GSDMC: variants seen among roughly 807,000 people sequenced by gnomAD.
GSDMC encodes the protein gasdermin-C.
A neutral mutation model predicts 58.0 loss-of-function variants in GSDMC; 59 were observed. The observed-to-expected ratio is 1.02, with a 90% confidence interval of 0.82 to 1.26. The LOEUF is 1.26. GSDMC is among the 50% of genes most tolerant of loss of function. GSDMC has a pLI of 0.00. For missense variants in GSDMC, 659 were observed against 598.5 expected (o/e 1.10, Z -1.06); for synonymous variants, 241 against 220.2 (o/e 1.09, Z -0.83).
At chr8:129,715,422 T>G in the GSDMC span, among the ~76,000 whole-genome samples, 1 of 151,996 alleles carries the variant, frequency 6.6e-6, no homozygotes, top group East Asian at 1.9e-4. Context: ...ATGAGAGTGA[T>G]AGGAGACAGA....
At chr8:129,744,665 C>T (rs1402938959), downstream of GSDMC, among the ~76,000 whole-genome samples, 1 of 152,236 alleles carries the variant, frequency 6.6e-6, no homozygotes, top group East Asian at 1.9e-4. Flanking sequence ...GCCCTCCCAT[C>T]TGTATTCCAG....
intron 3 of GSDMC, among the ~76,000 whole-genome samples, chr8:129,774,355 A>C (rs1160078146): frequency 1.3e-5 from 2 of 152,144 alleles, no homozygotes; most frequent in African/African-American, 4.8e-5. Context: ...TCACATGCAA[A>C]AGACTGAAAC....
chr8:129,716,033 A>T, the GSDMC span, among the ~76,000 whole-genome samples: 1 of 152,214 alleles, frequency 6.6e-6, no homozygotes, highest in Non-Finnish European at 1.5e-5. Flanking sequence ...ATAAGCCAAC[A>T]AAGAAGATAA....
chr8:129,784,476 A>G (rs541093661), intron 1 of GSDMC, among the ~76,000 whole-genome samples: 1 of 152,364 alleles, frequency 6.6e-6, no homozygotes, highest in African/African-American at 2.4e-5. Flanking sequence ...ACAAATGAAA[A>G]AAAGGCATAT....
chr8:129,716,155 A>G, the GSDMC span, among the ~76,000 whole-genome samples: 1 of 152,242 alleles, frequency 6.6e-6, no homozygotes, highest in Non-Finnish European at 1.5e-5. Context: ...TAAACATGCC[A>G]TATCAAGAAT....
chr8:129,722,955 CAA>C, the GSDMC span: 15 of 152,196 alleles, frequency 9.9e-5, no homozygotes, highest in African/African-American at 3.4e-4. Context: ...AGAATGTTCA[CAA>C]ACAAGAGGGA....
chr8:129,755,001 T>C (rs1042287335), intron 6 of GSDMC, among the ~76,000 whole-genome samples: 1 of 152,050 alleles, frequency 6.6e-6, no homozygotes, highest in African/African-American at 2.4e-5. Flanking sequence ...AATCTAAAAG[T>C]TGACCTTAAA....
the GSDMC span, among the ~76,000 whole-genome samples, chr8:129,734,026 C>T: frequency 6.6e-6 from 1 of 152,144 alleles, no homozygotes; most frequent in East Asian, 1.9e-4. Context: ...CTACGTGATG[C>T]ATGCACAATC....
At chr8:129,779,740 C>G (rs76896156) in intron 1 of GSDMC, among the ~76,000 whole-genome samples, 2 of 151,806 alleles carry the variant, frequency 1.3e-5, no homozygotes, top group African/African-American at 4.8e-5. Flanking sequence ...AATTTAAAAA[C>G]AGACGATTCA....
chr8:129,771,169 A>G (rs933243715), intron 3 of GSDMC, among the ~76,000 whole-genome samples: 5 of 151,972 alleles, frequency 3.3e-5, no homozygotes, highest in African/African-American at 4.8e-5. Flanking sequence ...AAATATATAA[A>G]TCAAATATTA....
At chr8:129,776,970 A>C (rs1354526270) in intron 2 of GSDMC, among the ~76,000 whole-genome samples, 2 of 150,948 alleles carry the variant, frequency 1.3e-5, no homozygotes, top group African/African-American at 2.4e-5. Flanking sequence ...GGGTTTCAGC[A>C]TGTTGGCCAG....
In GSDMC at chr8:129,765,730, G is replaced by A. The variant is rs570433175; in HGVS notation, c.468C>T (p.Tyr156=). 59 of 1,612,072 alleles carry A rather than the reference G, an allele frequency of 3.7e-5. No individual in the cohort carries two copies. The East Asian group carries it at 4.0e-4, about 11-fold the overall frequency. ...KECRRRGDNL[Y]VVTEAVELIN... ...TCAGTTCAACAGCCTCTGTCACCAC[G>A]TACAGGTTGTCCCCTCTCCTCCGGC... is the stretch of plus-strand genomic sequence containing the variant. Residue 156 remains tyrosine (Y), a synonymous_variant, in exon 4 of 14, where the codon TAC becomes TAT. Transcript: ENST00000276708.
At chr8:129,720,241 T>C in the GSDMC span, among the ~76,000 whole-genome samples, 2 of 152,268 alleles carry the variant, frequency 1.3e-5, no homozygotes, top group Non-Finnish European at 2.9e-5. Flanking sequence ...TGAGAAGAAA[T>C]AGAATAGTGC....
chr8:129,765,114 AATTT>A (rs1267463691), intron 4 of GSDMC, among the ~76,000 whole-genome samples: 1 of 152,218 alleles, frequency 6.6e-6, no homozygotes, highest in Non-Finnish European at 1.5e-5. Context: ...TTGATAAATG[AATTT>A]ATTTATATTA....
intron 8 of GSDMC, 54 bp downstream of exon 8, chr8:129,752,052 G>A: frequency 6.5e-7 from 1 of 1,535,046 alleles, no homozygotes; most frequent in Non-Finnish European, 9.0e-7. Flanking sequence ...AGGCAATCAG[G>A]TGGTTTTTTG....
the GSDMC span, among the ~76,000 whole-genome samples, chr8:129,730,624 C>CA: frequency 1.3e-5 from 2 of 152,184 alleles, no homozygotes; most frequent in Non-Finnish European, 2.9e-5. Flanking sequence ...TAGTAAAAAT[C>CA]ACACAATATA....
chr8:129,751,089 T>C (rs1440965625), intron 10 of GSDMC, among the ~76,000 whole-genome samples: 2 of 152,100 alleles, frequency 1.3e-5, no homozygotes, highest in African/African-American at 2.4e-5. Context: ...CTGGTCAACA[T>C]AGTGAGACCC....
chr8:129,718,360 A>T, the GSDMC span, among the ~76,000 whole-genome samples: 1 of 152,212 alleles, frequency 6.6e-6, no homozygotes, highest in Non-Finnish European at 1.5e-5. Flanking sequence ...AAAATTGGGC[A>T]AAGTATATGA....
chr8:129,715,007 C>T, the GSDMC span, among the ~76,000 whole-genome samples: 1 of 152,148 alleles, frequency 6.6e-6, no homozygotes, highest in East Asian at 1.9e-4. Flanking sequence ...TTAAAATGAC[C>T]TGAATGATGG....
Sources: allele counts gnomAD v4.1 joint callset (sites outside exome capture counted in the v4.1 genomes callset), GRCh38; gene constraint gnomAD v4.1.1; transcripts MANE v1.5; gene names NCBI Gene and HGNC (gene_info 2026-07-23, HGNC 2026-07-21).